SLC7A8: variants seen among roughly 807,000 people sequenced by gnomAD.
SLC7A8 encodes large neutral amino acids transporter small subunit 2.
A neutral mutation model predicts 51.2 loss-of-function variants in SLC7A8; 30 were observed. That is an observed-to-expected ratio of 0.59 (90% CI 0.44 to 0.80). SLC7A8 has a LOEUF of 0.80. Among genes scored for constraint, SLC7A8 ranks in the 30% least tolerant of loss-of-function variants. The pLI is 0.00. For missense variants in SLC7A8, 612 were observed against 674.4 expected (o/e 0.91, Z 1.03); for synonymous variants, 257 against 275.8 (o/e 0.93, Z 0.67).
chr14:23,161,712 G>C (rs972691721), intron 3 of SLC7A8, among the ~76,000 whole-genome samples: 5 of 152,136 alleles, frequency 3.3e-5, no homozygotes, highest in African/African-American at 1.2e-4. Context: ...TGGATCACTT[G>C]AGGTCAGGAG....
chr14:23,138,832 TAC>T (rs2048714939), intron 6 of SLC7A8, among the ~76,000 whole-genome samples: 1 of 152,160 alleles, frequency 6.6e-6, no homozygotes, highest in African/African-American at 2.4e-5. Flanking sequence ...CCTCTTTCTT[TAC>T]AGTCTTTTGA....
chr14:23,133,834 A>T (rs2048663312), intron 7 of SLC7A8, among the ~76,000 whole-genome samples: 1 of 152,266 alleles, frequency 6.6e-6, no homozygotes, highest in African/African-American at 2.4e-5. Context: ...AAAGAAAAAA[A>T]AAAGGGAACA....
Position 23,127,069 on chromosome 14 carries a change from A to G in SLC7A8, c.*108T>C. On this transcript the variant is annotated 3_prime_UTR_variant, in exon 11 of 11. Transcript: ENST00000316902. ...CACCAAAGTCCTACCACTGCCTGAC[A>G]AAAGCAGAGAGAGGGGTGTGTGTGT... The G allele has an allele frequency of 7.2e-7, 1 of 1,392,956 alleles. No individual in the cohort carries two copies. The highest frequency in any genetic ancestry group is 1.4e-5 in the African/African-American group (1 of 69,774). The allele number at this position is 1,392,956 out of a possible 1,614,324, so 86.3% of individuals were successfully genotyped here.
chr14:23,128,363 G>A lies in SLC7A8; in HGVS notation c.1264-167C>T, dbSNP rs1380876405. On this transcript the variant is annotated intron_variant, in intron 9 of 10. Transcript: ENST00000316902. This position sits in a 1 kb window ranked among gnomAD's most constrained non-coding sequence, Gnocchi z 4.3. ...CCACACTCACCCCTGGTAGGGCAGGGGCTATATAAACAAATGTTGATGAAC... is the reference window on the plus strand; with the variant it reads ...CCACACTCACCCCTGGTAGGGCAGGAGCTATATAAACAAATGTTGATGAAC... 7 of 1,535,658 alleles carry A rather than the reference G, an allele frequency of 4.6e-6. No homozygotes were observed. The Admixed American group carries it at 5.9e-5, about 13-fold the overall frequency.
chr14:23,164,922 A>T (rs1255580250), intron 3 of SLC7A8, among the ~76,000 whole-genome samples: 1 of 151,786 alleles, frequency 6.6e-6, no homozygotes, highest in Non-Finnish European at 1.5e-5. Flanking sequence ...AATCTGGGAG[A>T]TGGAGGTTGC....
intron 3 of SLC7A8, chr14:23,154,232 C>T (rs1263953363): frequency 1.0e-6 from 1 of 999,728 alleles, no homozygotes; most frequent in Non-Finnish European, 1.2e-6. Flanking sequence ...TCATGGCCTG[C>T]CAGAAGGGTT....
At chr14:23,139,257 G>A (rs2048719126) in intron 6 of SLC7A8, among the ~76,000 whole-genome samples, 167 bp downstream of exon 6, 1 of 152,118 alleles carries the variant, frequency 6.6e-6, no homozygotes, top group Non-Finnish European at 1.5e-5. Flanking sequence ...TTGCTCCTGG[G>A]CACTTAAAGA....
rs1025180276 is a variant in SLC7A8, at chr14:23,125,805, G to T, written c.*1372C>A. On this transcript the variant is annotated 3_prime_UTR_variant, in exon 11 of 11. Coordinates refer to ENST00000316902, the MANE Select transcript of SLC7A8 (RefSeq NM_012244.4). ...CCTAAGTCCTTAGTGCAGCAGGAGT[G>T]GCTGGGAAGGTTGCAGGGCCCACAG... 2.6e-5 allele frequency: 4 copies of T among 152,724 alleles called. No individual in the cohort carries two copies. Among genetic ancestry groups the T allele is most frequent in the African/African-American group, 9.6e-5 (4 of 41,466 alleles). The allele number at this position is 152,724 out of a possible 1,614,324, so 9.5% of individuals were successfully genotyped here.
At position 23,165,225 on chromosome 14, in the gene SLC7A8, T is replaced by A; in HGVS notation, c.508+60A>T. The A allele has an allele frequency of 7.1e-7, 1 of 1,415,920 alleles. No individual in the cohort carries two copies. The highest frequency in any genetic ancestry group is 9.3e-7 in the Non-Finnish European group (1 of 1,075,572). 87.7% of individuals were successfully genotyped at this position (1,415,920 alleles called of 1,614,324 possible). The stretch of plus-strand genomic sequence containing the variant: ...AGAGTGAAGACTCTGTTTCTAAAAA[T>A]AATAATAATAAATATAATAAAAGAG... On this transcript the variant is annotated intron_variant, in intron 3 of 10. Coordinates refer to ENST00000316902, the MANE Select transcript of SLC7A8 (RefSeq NM_012244.4). The surrounding 1 kb of genome is among the most constrained non-coding windows in gnomAD (Gnocchi z 4.2).
chr14:23,153,964 AC>A (rs764957124), intron 3 of SLC7A8, among the ~76,000 whole-genome samples: 3 of 152,044 alleles, frequency 2.0e-5, no homozygotes, highest in Non-Finnish European at 4.4e-5. Context: ...AGCACAAGAA[AC>A]CACAGGGCGG....
chr14:23,174,326 C>T (rs1005639215), intron 1 of SLC7A8, among the ~76,000 whole-genome samples: 1 of 152,234 alleles, frequency 6.6e-6, no homozygotes, highest in Non-Finnish European at 1.5e-5. Flanking sequence ...AGTAATAATT[C>T]TGCAGCAGTG....
intron 6 of SLC7A8, 24 bp downstream of exon 6, chr14:23,139,400 G>C (rs1465031732): frequency 6.2e-7 from 1 of 1,613,666 alleles, no homozygotes; most frequent in Non-Finnish European, 8.5e-7. Context: ...CCTGGTATGA[G>C]ACTCTGGGAC....
In SLC7A8 at chr14:23,165,593, A is replaced by G. The variant is rs1227857066; in HGVS notation, c.357-157T>C. On this transcript the variant is annotated intron_variant, in intron 2 of 10. Coordinates refer to ENST00000316902, the MANE Select transcript of SLC7A8 (RefSeq NM_012244.4). This position sits in a 1 kb window ranked among gnomAD's most constrained non-coding sequence, Gnocchi z 4.2. ...ACAAATGAGACACCCAGCCCTCTGC[A>G]GTGACAATAAAATGGTTTAATGAAG... is the stretch of plus-strand genomic sequence containing the variant. 1.1e-5 allele frequency among the ~76,000 whole-genome samples: 1 copy of G among 92,848 alleles called. No homozygotes were observed. The highest frequency in any genetic ancestry group is 2.2e-5 in the Non-Finnish European group (1 of 46,184). 60.9% of individuals were successfully genotyped at this position (92,848 alleles called of 152,430 possible). A position where few individuals can be genotyped will look rare whatever the true frequency, so the allele number is the denominator to read the frequency against.
intron 6 of SLC7A8, among the ~76,000 whole-genome samples, chr14:23,138,537 A>C (rs1042474460): frequency 7.1e-6 from 1 of 141,310 alleles, no homozygotes; most frequent in African/African-American, 2.6e-5. Flanking sequence ...CTCTGTCTCC[A>C]ACTGCAAAAT....
intron 3 of SLC7A8, among the ~76,000 whole-genome samples, chr14:23,158,632 C>T (rs1326010721): frequency 1.3e-5 from 2 of 152,276 alleles, no homozygotes. Context: ...GCGTAAGCCA[C>T]CGCGCCCGGC....
chr14:23,178,152 T>C (rs1394998237), intron 1 of SLC7A8, among the ~76,000 whole-genome samples: 1 of 152,190 alleles, frequency 6.6e-6, no homozygotes, highest in Non-Finnish European at 1.5e-5. Flanking sequence ...GACAAATAAG[T>C]TCAGGTATGT....
intron 2 of SLC7A8, 106 bp downstream of exon 2, chr14:23,166,230 A>G: frequency 8.4e-7 from 1 of 1,196,108 alleles, no homozygotes; most frequent in Non-Finnish European, 1.2e-6. Context: ...CCCGTGGCAC[A>G]CTGGAGACTG....
chr14:23,164,281 T>C (rs1362886416), intron 3 of SLC7A8, among the ~76,000 whole-genome samples: 2 of 152,126 alleles, frequency 1.3e-5, no homozygotes, highest in East Asian at 3.8e-4. Flanking sequence ...ACTTGACAAG[T>C]TGAGGTAGAA....
chr14:23,136,384 G>C (rs1346487795), intron 7 of SLC7A8, among the ~76,000 whole-genome samples: 1 of 152,208 alleles, frequency 6.6e-6, no homozygotes. Context: ...ACAAGACCAA[G>C]TGTAATTGTC....
Sources: allele counts gnomAD v4.1 joint callset (sites outside exome capture counted in the v4.1 genomes callset), GRCh38; gene constraint gnomAD v4.1.1; non-coding constraint Gnocchi (gnomAD v3.1); transcripts MANE v1.5; gene names NCBI Gene and HGNC (gene_info 2026-07-23, HGNC 2026-07-21).